Variants in ARID3B observed in about 807,000 individuals in gnomAD.
ARID3B encodes AT-rich interactive domain-containing protein 3B.
A neutral mutation model predicts 51.9 loss-of-function variants in ARID3B; 10 were observed. The ratio of observed to expected loss-of-function variants is 0.19; its 90% CI spans 0.12 to 0.33. The LOEUF (loss-of-function observed/expected upper bound fraction) is 0.33, where lower values mean the gene tolerates loss of function less well. ARID3B is among the 10% of genes least tolerant of loss of function. The pLI is 1.00. For missense variants in ARID3B, 483 were observed against 716.3 expected (o/e 0.67, Z 3.72); for synonymous variants, 205 against 279.5 (o/e 0.73, Z 2.66).
rs1452365484 is a variant in ARID3B, at chr15:74,571,504, G to A, written c.553-1358G>A. ...GACCTCCACTGACCAGTGGGTCGGG[G>A]TGAACAAGAGAGTTATACTGTGAGA... On this transcript the variant is annotated intron_variant, in intron 2 of 8. Coordinates refer to ENST00000346246, the MANE Select transcript of ARID3B (RefSeq NM_006465.4). Among the ~76,000 whole-genome samples the A allele has an allele frequency of 2.2e-4, 34 of 152,186 alleles. 2 individuals carry two copies. Among genetic ancestry groups the A allele is most frequent in the Admixed American group, 2.2e-3 (34 of 15,274 alleles).
intron 4 of ARID3B, among the ~76,000 whole-genome samples, chr15:74,583,730 A>T (rs181749256): frequency 2.0e-5 from 3 of 152,242 alleles, no homozygotes; most frequent in African/African-American, 7.2e-5. Flanking sequence ...AAAAAAAAAA[A>T]AGTTCTTTAT....
intron 1 of ARID3B, among the ~76,000 whole-genome samples, chr15:74,543,122 T>TCC (rs1402208351): frequency 6.6e-6 from 1 of 152,206 alleles, no homozygotes; most frequent in East Asian, 1.9e-4. Context: ...CCAGAGGAAT[T>TCC]CCCCCGTTTG....
At chr15:74,546,405 G>A (rs889907687) in intron 2 of ARID3B, among the ~76,000 whole-genome samples, 2 of 152,214 alleles carry the variant, frequency 1.3e-5, no homozygotes, top group African/African-American at 4.8e-5. Flanking sequence ...GTGTGCGGTC[G>A]TTCCTAGAAA....
At chr15:74,558,201 G>GTTACTATTTTTTTT (rs2061666676) in intron 2 of ARID3B, among the ~76,000 whole-genome samples, 1 of 135,142 alleles carries the variant, frequency 7.4e-6, no homozygotes, top group South Asian at 2.3e-4. Context: ...TTTTTTTTGG[G>GTTACTATTTTTTTT]TACTATTTTT....
chr15:74,592,498 C>T (rs2061807410), intron 7 of ARID3B, among the ~76,000 whole-genome samples: 1 of 152,180 alleles, frequency 6.6e-6, no homozygotes, highest in Non-Finnish European at 1.5e-5. Context: ...CCCCATTGCC[C>T]TTGGGGACCA....
At chr15:74,542,382 G>A (rs1050701328) in intron 1 of ARID3B, among the ~76,000 whole-genome samples, 2 of 152,206 alleles carry the variant, frequency 1.3e-5, no homozygotes, top group African/African-American at 4.8e-5. Context: ...AGTGCCAAGA[G>A]AGGAAGTAAA....
At chr15:74,559,888 A>G (rs2061672629) in intron 2 of ARID3B, among the ~76,000 whole-genome samples, 1 of 151,850 alleles carries the variant, frequency 6.6e-6, no homozygotes, top group Non-Finnish European at 1.5e-5. Context: ...CCTACTATAG[A>G]TACAGTTTTA....
At position 74,596,225 on chromosome 15, in the gene ARID3B, A is replaced by T. The variant is rs1402062305; in HGVS notation, c.*451A>T. On this transcript the variant is annotated 3_prime_UTR_variant, in exon 9 of 9. Transcript: ENST00000346246. ...TTTTTAAGTCCCATGTGGGGCTGCC[A>T]GGAGCCAAGAGCATGCCTTCATGCC... is the stretch of plus-strand genomic sequence containing the variant. 4.2e-6 allele frequency: 1 copy of T among 239,382 alleles called. No individual in the cohort carries two copies. The highest frequency in any genetic ancestry group is 8.2e-6 in the Non-Finnish European group (1 of 122,192). The allele number at this position is 239,382 out of a possible 1,614,324, so 14.8% of individuals were successfully genotyped here.
intron 2 of ARID3B, among the ~76,000 whole-genome samples, chr15:74,556,887 G>A (rs1364737761): frequency 5.5e-5 from 8 of 145,428 alleles, no homozygotes; most frequent in Admixed American, 3.7e-4. Context: ...CGATTCTTCT[G>A]CCTCAGCCTC....
intron 4 of ARID3B, among the ~76,000 whole-genome samples, chr15:74,589,051 A>C (rs1339783025): frequency 1.0e-5 from 1 of 96,252 alleles, no homozygotes. Flanking sequence ...TTTTTTTTTA[A>C]GACAGTCTCA....
chr15:74,596,484 C>T lies in ARID3B; in HGVS notation c.*710C>T, dbSNP rs2061825883. On this transcript the variant is annotated 3_prime_UTR_variant, in exon 9 of 9. Coordinates refer to ENST00000346246, the MANE Select transcript of ARID3B (RefSeq NM_006465.4). ...GCCCAGCCCTGGCACCTGCTTCACACGGACCATTCTCTGACCGCCCCCGCC... is the reference window on the plus strand; with the variant it reads ...GCCCAGCCCTGGCACCTGCTTCACATGGACCATTCTCTGACCGCCCCCGCC... 4.3e-6 allele frequency: 1 copy of T among 233,528 alleles called. No individual in the cohort carries two copies. The highest frequency in any genetic ancestry group is 6.0e-5 in the East Asian group (1 of 16,566). The allele number at this position is 233,528 out of a possible 1,614,324, so 14.5% of individuals were successfully genotyped here.
intron 1 of ARID3B, among the ~76,000 whole-genome samples, chr15:74,542,922 C>T (rs1043468375): frequency 6.6e-6 from 1 of 152,162 alleles, no homozygotes; most frequent in African/African-American, 2.4e-5. Flanking sequence ...GCAGATAAAC[C>T]TGCCCCCAGA....
At chr15:74,548,977 A>G (rs966758936) in intron 2 of ARID3B, among the ~76,000 whole-genome samples, 1 of 152,194 alleles carries the variant, frequency 6.6e-6, no homozygotes, top group South Asian at 2.1e-4. Flanking sequence ...AGTGGAGACT[A>G]CTGTCCATTT....
chr15:74,548,769 C>A (rs1278088787), intron 2 of ARID3B, among the ~76,000 whole-genome samples: 1 of 152,262 alleles, frequency 6.6e-6, no homozygotes, highest in Middle Eastern at 3.4e-3. Context: ...TTCTGCAGTA[C>A]AGAAGCAAAG....
intron 2 of ARID3B, among the ~76,000 whole-genome samples, chr15:74,563,811 GTCC>G (rs1294633350): frequency 6.6e-6 from 1 of 152,222 alleles, no homozygotes; most frequent in African/African-American, 2.4e-5. Flanking sequence ...GTATCAGGGT[GTCC>G]TCATCACCAA....
chr15:74,545,983 G>A (rs924506893), intron 2 of ARID3B, among the ~76,000 whole-genome samples: 1 of 152,224 alleles, frequency 6.6e-6, no homozygotes, highest in African/African-American at 2.4e-5. Context: ...CTTGTCCAGT[G>A]CCAGGCACAT....
chr15:74,550,889 T>A (rs2061634738), intron 2 of ARID3B, among the ~76,000 whole-genome samples: 1 of 152,118 alleles, frequency 6.6e-6, no homozygotes, highest in Non-Finnish European at 1.5e-5. Context: ...AAGAAAAATA[T>A]GAGTGTGAAA....
chr15:74,558,984 C>CT (rs2061669076), intron 2 of ARID3B, among the ~76,000 whole-genome samples: 1 of 152,216 alleles, frequency 6.6e-6, no homozygotes, highest in South Asian at 2.1e-4. Flanking sequence ...GGCACGGTTC[C>CT]TTGCAGCTTC....
intron 2 of ARID3B, among the ~76,000 whole-genome samples, chr15:74,558,178 C>CTTTTTTT (rs1208034661): frequency 2.9e-5 from 3 of 104,666 alleles, no homozygotes; most frequent in African/African-American, 7.9e-5. Flanking sequence ...TGGTTTGTGT[C>CTTTTTTT]TTTTTTTTTT....
Sources: gnomAD v4.1 joint callset for allele counts (sites outside exome capture counted in the v4.1 genomes callset) on GRCh38, gnomAD v4.1.1 for gene constraint, MANE v1.5 for transcripts, NCBI Gene and HGNC (gene_info 2026-07-23, HGNC 2026-07-21) for gene names.